The following SETDB1 variants were observed in gnomAD, a reference collection of about 807,000 sequenced individuals.
SETDB1 encodes the protein histone-lysine N-methyltransferase SETDB1.
SETDB1 carries 31 observed loss-of-function variants against 137.4 expected under a neutral mutation model. The observed-to-expected ratio is 0.23, with a 90% CI of 0.17 to 0.30. The LOEUF (loss-of-function observed/expected upper bound fraction) is 0.30, where lower values mean the gene tolerates loss of function less well. Ranked by LOEUF, SETDB1 falls within the 10% of genes least tolerant of loss-of-function variation. The pLI is 1.00. For synonymous variants in SETDB1, 548 were observed against 579.9 expected, an observed-to-expected ratio of 0.95 and a Z score of 0.79; for missense variants, 1,113 against 1,631.5, an observed-to-expected ratio of 0.68 and a Z score of 5.47.
chr1:150,926,340 G>A (rs1669510943), upstream of SETDB1: 1 of 222,410 alleles, frequency 4.5e-6, no homozygotes, highest in Non-Finnish European at 9.1e-6. Context: ...GACCGGAACG[G>A]CACTAAAGGT....
rs1330065335 is a variant in SETDB1 at position 150,960,767 on chromosome 1, A to G, written c.2708A>G (p.Asn903Ser). ...GGTACAGAGGACCCTGAAGAGTCCA[A>G]TGATGATAGCTCAGATGATAACTTC... ...NSGTEDPEES[N>S]DDSSDDNFCK... The change falls in exon 16 of 22, where the codon AAT becomes AGT. Residue 903 changes from asparagine to serine, a missense_variant. Physicochemically the swap from Asn to Ser is conservative, Grantham distance 46. Transcript: ENST00000692827. The G allele has an allele frequency of 7.4e-6, 12 of 1,610,962 alleles. No homozygotes were observed. Among genetic ancestry groups the G allele is most frequent in the East Asian group, 2.2e-5 (1 of 44,882 alleles).
At chr1:150,962,887 T>A in intron 18 of SETDB1, 87 bp from the exon 19 acceptor site, 1 of 1,534,728 alleles carries the variant, frequency 6.5e-7, no homozygotes, top group East Asian at 2.3e-5. Context: ...GCCACCGCCC[T>A]TTCCTGCCAA....
chr1:150,939,832 T>G lies in SETDB1; in HGVS notation c.413-108T>G. On this transcript the variant is annotated intron_variant, in intron 3 of 21. Coordinates refer to ENST00000692827, the MANE Select transcript of SETDB1 (RefSeq NM_001366418.1). ...CTATATCAAGATTATTTTCAGTTAT[T>G]GTTGATAATGCTCCCATAATAATGC... is the stretch of plus-strand genomic sequence containing the variant. 4 of 722,500 alleles carry G rather than the reference T, an allele frequency of 5.5e-6. 1 individual carries two copies. In the South Asian group the frequency reaches 7.2e-5, roughly 13 times the overall value. 44.8% of individuals were successfully genotyped at this position (722,500 alleles called of 1,614,324 possible). A position where few individuals can be genotyped will look rare whatever the true frequency, so the allele number is the denominator to read the frequency against.
At chr1:150,934,480 A>G (rs587671151) in intron 3 of SETDB1, among the ~76,000 whole-genome samples, 7 of 151,998 alleles carry the variant, frequency 4.6e-5, no homozygotes, top group Non-Finnish European at 7.4e-5. Flanking sequence ...CTCAAAAAAT[A>G]TATATATATA....
chr1:150,947,890 C>T (rs1335985022), intron 10 of SETDB1, among the ~76,000 whole-genome samples: 1 of 151,888 alleles, frequency 6.6e-6, no homozygotes, highest in East Asian at 1.9e-4. Context: ...AAATATTTCC[C>T]CAAAGTATAA....
chr1:150,958,788 A>G (rs1056753700), intron 14 of SETDB1, among the ~76,000 whole-genome samples: 2 of 151,328 alleles, frequency 1.3e-5, no homozygotes, highest in African/African-American at 2.4e-5. Context: ...AATTTCTCAC[A>G]TGTCTTTATT....
intron 15 of SETDB1, 98 bp downstream of exon 15, chr1:150,959,445 T>C: frequency 9.9e-7 from 1 of 1,005,248 alleles, no homozygotes; most frequent in South Asian, 1.5e-5. Flanking sequence ...GCTTGACATG[T>C]GAACTGGAGT....
At chr1:150,940,699 T>C (rs949318480) in intron 4 of SETDB1, among the ~76,000 whole-genome samples, 1 of 151,326 alleles carries the variant, frequency 6.6e-6, no homozygotes. Flanking sequence ...ACCCCATCTC[T>C]ACTAAAAACA....
intron 17 of SETDB1, among the ~76,000 whole-genome samples, 183 bp downstream of exon 17, chr1:150,962,341 G>T (rs587682117): frequency 1.3e-5 from 2 of 152,134 alleles, no homozygotes; most frequent in East Asian, 3.9e-4. Context: ...GCTAGTTTTT[G>T]TATTTTTTGT....
At chr1:150,927,042 G>A (rs772178509) in intron 1 of SETDB1, among the ~76,000 whole-genome samples, 16 of 152,192 alleles carry the variant, frequency 1.1e-4, no homozygotes, top group Non-Finnish European at 1.8e-4. Context: ...AGCATACAAA[G>A]ATTTATCACA....
rs374262981 is a variant in SETDB1, at chr1:150,953,964, C to T, written c.2333+2483C>T. 3.0e-4 allele frequency among the ~76,000 whole-genome samples: 45 copies of T among 152,010 alleles called. No individual in the cohort carries two copies. In the East Asian group the frequency reaches 8.4e-3, roughly 28 times the overall value. ...CCGCCTTCCGGGTTCACGCCATTCT[C>T]CTGCCTCAGCCTCCCGAGAAGCTGG... On this transcript the variant is annotated intron_variant, in intron 14 of 21. Transcript: ENST00000692827.
At chr1:150,931,257 T>C (rs952226655) in intron 3 of SETDB1, among the ~76,000 whole-genome samples, 1 of 52,372 alleles carries the variant, frequency 1.9e-5, no homozygotes. Context: ...AAGACTCTTG[T>C]CTTCAAAAAA....
chr1:150,933,109 G>T (rs1173036845), intron 3 of SETDB1, among the ~76,000 whole-genome samples: 3 of 152,110 alleles, frequency 2.0e-5, no homozygotes, highest in Non-Finnish European at 4.4e-5. Flanking sequence ...CCCCAGGCTG[G>T]AGTGTGATAG....
At chr1:150,954,761 A>T (rs1307140262) in intron 14 of SETDB1, among the ~76,000 whole-genome samples, 1 of 152,258 alleles carries the variant, frequency 6.6e-6, no homozygotes, top group Non-Finnish European at 1.5e-5. Context: ...AACTCGGGCA[A>T]ACTATCAATT....
rs1670892050 is a variant in SETDB1, at chr1:150,963,540, G to A, written c.3471G>A (p.Lys1157=). The change falls in exon 20 of 22, where the codon AAG becomes AAA. Residue 1157 remains lysine, a synonymous_variant. Transcript: ENST00000692827. The stretch of plus-strand genomic sequence containing the variant: ...CTCCCTCCTGTCCAGGTCCAATGAA[G>A]CGTCAAGTGGCAGTAAAATCAACCC... ...EDKKNMTGPM[K]RQVAVKSTRG... 1 of 1,611,978 alleles carries A rather than the reference G, an allele frequency of 6.2e-7. No homozygotes were observed. The highest frequency in any genetic ancestry group is 8.5e-7 in the Non-Finnish European group (1 of 1,178,624).
Position 150,960,737 on chromosome 1 carries a change from A to T in SETDB1, c.2678A>T (p.Asn893Ile), listed in dbSNP as rs758663462. Residue 893 changes from asparagine (N) to isoleucine (I), a missense_variant, in exon 16 of 22, where the codon AAC becomes ATC. Around this residue, in one of 11 missense-constraint regions of SETDB1, gnomAD observed 373 missense variants for 412.7 expected, o/e 0.90. Coordinates refer to ENST00000692827, the MANE Select transcript of SETDB1 (RefSeq NM_001366418.1). ...GACTTGAAGGACCAGGAAGATGGCA[A>T]CAGCGGTACAGAGGACCCTGAAGAG... ...GVDLKDQEDG[N>I]SGTEDPEESN... 1.2e-6 allele frequency: 2 copies of T among 1,611,330 alleles called. No homozygotes were observed. The highest frequency in any genetic ancestry group is 2.2e-5 in the South Asian group (2 of 90,664).
intron 3 of SETDB1, 65 bp from the exon 4 acceptor site, chr1:150,939,875 C>A: frequency 8.2e-7 from 1 of 1,213,662 alleles, no homozygotes. Context: ...TAAGTTAGTT[C>A]TTAATTTCCC....
rs1669589101 is a variant in SETDB1 at position 150,927,962 on chromosome 1, A to G, written c.248A>G (p.Asp83Gly). ...GTGGCTCACGTTGACCAACTCTTTG[A>G]TGATGCATCCAGGTGAGAACTCCAT... ...SEVAHVDQLF[D>G]DASRAVTNCE... Residue 83 changes from aspartate (D) to glycine (G), a missense_variant, in exon 2 of 22, where the codon GAT (aspartate) becomes GGT (glycine). By Grantham distance (94) the Asp-to-Gly change is moderately conservative (BLOSUM62 -1). This residue lies in a region of SETDB1 where 159 missense variants were observed against 188.6 expected (regional missense o/e 0.84). Transcript: ENST00000692827. The G allele has an allele frequency of 2.5e-6, 4 of 1,614,206 alleles. No homozygotes were observed. The highest frequency in any genetic ancestry group is 3.4e-6 in the Non-Finnish European group (4 of 1,180,010).
intron 7 of SETDB1, 85 bp from the exon 8 acceptor site, chr1:150,943,835 G>A: frequency 2.4e-6 from 2 of 826,266 alleles, no homozygotes; most frequent in Non-Finnish European, 2.1e-6. Flanking sequence ...ATCCAGAGAA[G>A]TAGAAGCTAT....
Sources: gnomAD v4.1 joint callset for allele counts (sites outside exome capture counted in the v4.1 genomes callset) on GRCh38, gnomAD v4.1.1 for gene constraint, gnomAD v4.1.1 regional missense constraint, MANE v1.5 for transcripts, NCBI Gene and HGNC (gene_info 2026-07-23, HGNC 2026-07-21) for gene names.